NLRP14: variants seen among roughly 807,000 people sequenced by gnomAD.
NLRP14 encodes NACHT, LRR and PYD domains-containing protein 14.
Under a neutral mutation model 94.7 loss-of-function variants are expected in NLRP14, and 105 were observed. The ratio of observed to expected loss-of-function variants is 1.11; its 90% CI spans 0.95 to 1.30. The LOEUF (loss-of-function observed/expected upper bound fraction) is 1.30. Among genes scored for constraint, NLRP14 ranks in the 50% most tolerant of loss-of-function variants. NLRP14 has a pLI of 0.00. For missense variants in NLRP14, 1,362 were observed against 1,254.1 expected (o/e 1.09, Z -1.30); for synonymous variants, 508 against 459.9 (o/e 1.10, Z -1.34).
chr11:7,083,918 G>C, the NLRP14 span, among the ~76,000 whole-genome samples: 4 of 152,274 alleles, frequency 2.6e-5, no homozygotes, highest in East Asian at 1.9e-4. Context: ...ATTGCTCTCT[G>C]TCTGGCCACA....
chr11:7,057,383 T>G (rs1272008211), intron 6 of NLRP14, among the ~76,000 whole-genome samples: 1 of 151,990 alleles, frequency 6.6e-6, no homozygotes, highest in African/African-American at 2.4e-5. Flanking sequence ...TTAGCGGAAA[T>G]TCCTCCCAGA....
chr11:7,067,850 A>G (rs1277491281), intron 10 of NLRP14, among the ~76,000 whole-genome samples: 1 of 152,090 alleles, frequency 6.6e-6, no homozygotes, highest in Admixed American at 6.6e-5. Context: ...TAGTTTCCTG[A>G]GAAGATTTTT....
At chr11:7,058,222 G>A in intron 7 of NLRP14, 58 bp from the exon 8 acceptor site, 3 of 1,451,960 alleles carry the variant, frequency 2.1e-6, no homozygotes, top group Non-Finnish European at 1.9e-6. Flanking sequence ...CTGTGAAGGA[G>A]AAGAGAAGCA....
intron 1 of NLRP14, among the ~76,000 whole-genome samples, chr11:7,036,830 T>C: frequency 6.6e-6 from 1 of 152,126 alleles, no homozygotes; most frequent in Non-Finnish European, 1.5e-5. Flanking sequence ...AAAGGGAATA[T>C]TTGTAAAAGA....
Position 7,043,309 on chromosome 11 carries a change from G to A in NLRP14, c.1283G>A (p.Cys428Tyr), listed in dbSNP as rs1296285182. ...AACCAAGCCCAGCTGAGAAGACTGT[G>A]CCAAGTCGCTGCCAAAGGAATATGG... ...LPNQAQLRRL[C>Y]QVAAKGIWTM... is the part of the protein sequence containing the mutation. The change falls in exon 4 of 12, where the codon TGC becomes TAC. Residue 428 changes from cysteine (C) to tyrosine (Y), a missense_variant. Coordinates refer to ENST00000299481, the MANE Select transcript of NLRP14 (RefSeq NM_176822.4). 3 of 1,614,114 alleles carry A rather than the reference G, an allele frequency of 1.9e-6. No individual in the cohort carries two copies. The highest frequency in any genetic ancestry group is 1.3e-5 in the African/African-American group (1 of 74,942).
chr11:7,067,591 T>C (rs1852723161), intron 10 of NLRP14, among the ~76,000 whole-genome samples: 1 of 152,190 alleles, frequency 6.6e-6, no homozygotes. Context: ...TTGAAGAATT[T>C]TGCCAAATGT....
chr11:7,030,252 G>C (rs762094595), intron 1 of NLRP14, among the ~76,000 whole-genome samples: 15 of 152,210 alleles, frequency 9.9e-5, no homozygotes, highest in Non-Finnish European at 1.3e-4. Flanking sequence ...ATTCATCTTA[G>C]AGCAGTTCTA....
At position 7,042,508 on chromosome 11, in the gene NLRP14, T is replaced by C. The variant is rs372480220; in HGVS notation, c.482T>C (p.Leu161Pro). 1.1e-4 allele frequency: 174 copies of C among 1,614,072 alleles called. No individual in the cohort carries two copies. Among genetic ancestry groups the C allele is most frequent in the Non-Finnish European group, 1.4e-4 (169 of 1,179,996 alleles). The change falls in exon 4 of 12, where the codon CTG (leucine) becomes CCG (proline). Residue 161 changes from leucine (L) to proline (P), a missense_variant. Transcript: ENST00000299481. ...HHGIAEKDRK[L>P]LEHLFDVDVK... is the part of the protein sequence containing the mutation. ...GGAATTGCAGAGAAAGATAGAAAAC[T>C]GTTGGAACACTTGTTCGATGTGGAT...
chr11:7,043,525 C>G lies in NLRP14; in HGVS notation c.1499C>G (p.Ala500Gly). ...TATATGTTGAAAGGCAGTTGGGAAG[C>G]TGGGAACCCTTCCTGCCAGCCTTTT... ...MFYMLKGSWE[A>G]GNPSCQPFED... Residue 500 changes from alanine to glycine, a missense_variant, in exon 4 of 12, where the codon GCT (alanine) becomes GGT (glycine). Ala to Gly is a moderately conservative substitution (Grantham distance 60). Transcript: ENST00000299481. 6.2e-7 allele frequency: 1 copy of G among 1,614,160 alleles called. No individual in the cohort carries two copies. Among genetic ancestry groups the G allele is most frequent in the Non-Finnish European group, 8.5e-7 (1 of 1,180,000 alleles).
chr11:7,046,998 A>G (rs1284269941), intron 5 of NLRP14, among the ~76,000 whole-genome samples, 166 bp downstream of exon 5: 1 of 152,220 alleles, frequency 6.6e-6, no homozygotes, highest in Admixed American at 6.5e-5. Flanking sequence ...GATCATTACT[A>G]ACTGGTTCTC....
chr11:7,039,390 A>G (rs1259755944), intron 2 of NLRP14, among the ~76,000 whole-genome samples: 2 of 151,856 alleles, frequency 1.3e-5, no homozygotes, highest in African/African-American at 4.8e-5. Context: ...TAATATTCAT[A>G]TCTATTATCT....
the NLRP14 span, chr11:7,089,505 G>A: frequency 1.6e-6 from 2 of 1,229,116 alleles, no homozygotes; most frequent in Non-Finnish European, 2.0e-6. Flanking sequence ...CGGGCCCGAT[G>A]ATGACGGCGG....
chr11:7,081,880 C>T, the NLRP14 span, among the ~76,000 whole-genome samples: 23,113 of 152,212 alleles, frequency 0.15, 2,163 homozygotes, highest in Non-Finnish European at 0.21. Context: ...AGTGCCTCTC[C>T]TGTCTCTGGA....
chr11:7,090,081 G>C, the NLRP14 span: 2 of 1,611,432 alleles, frequency 1.2e-6, no homozygotes, highest in Non-Finnish European at 1.7e-6. Flanking sequence ...TGCCTACAGC[G>C]GCGGCCGCGA....
intron 8 of NLRP14, among the ~76,000 whole-genome samples, chr11:7,059,015 T>C (rs2119681744): frequency 6.6e-6 from 1 of 152,064 alleles, no homozygotes; most frequent in East Asian, 1.9e-4. Context: ...ACACCCTCAT[T>C]GGACATCTAC....
At chr11:7,034,774 G>A (rs1304213470) in intron 1 of NLRP14, among the ~76,000 whole-genome samples, 1 of 151,988 alleles carries the variant, frequency 6.6e-6, no homozygotes, top group African/African-American at 2.4e-5. Context: ...CTCCTCCCTG[G>A]TTTGAAGTAT....
intron 1 of NLRP14, among the ~76,000 whole-genome samples, chr11:7,021,485 T>C (rs1352093763): frequency 6.6e-6 from 1 of 152,270 alleles, no homozygotes; most frequent in Middle Eastern, 3.4e-3. Context: ...TCAGAGAGCA[T>C]AGCATAGCAT....
chr11:7,043,323 A>C lies in NLRP14; in HGVS notation c.1297A>C (p.Lys433Gln), dbSNP rs772848864. The C allele has an allele frequency of 3.1e-6, 5 of 1,614,100 alleles. No individual in the cohort carries two copies. The highest frequency in any genetic ancestry group is 4.2e-6 in the Non-Finnish European group (5 of 1,180,036). ...GAGAAGACTGTGCCAAGTCGCTGCC[A>C]AAGGAATATGGACTATGACTTACGT... The part of the protein sequence containing the change: ...QLRRLCQVAA[K>Q]GIWTMTYVFY... Residue 433 changes from lysine to glutamine, a missense_variant, in exon 4 of 12, where the codon AAA becomes CAA. Transcript: ENST00000299481.
At chr11:7,080,618 C>T in the NLRP14 span, among the ~76,000 whole-genome samples, 1 of 152,140 alleles carries the variant, frequency 6.6e-6, no homozygotes, top group East Asian at 1.9e-4. Flanking sequence ...TATGGTCACA[C>T]AGGTTCAAGC....
Sources: allele counts gnomAD v4.1 joint callset (sites outside exome capture counted in the v4.1 genomes callset), GRCh38; gene constraint gnomAD v4.1.1; transcripts MANE v1.5; gene names NCBI Gene and HGNC (gene_info 2026-07-23, HGNC 2026-07-21).